The following GCLM variants were observed in gnomAD, a reference collection of about 807,000 sequenced individuals.
GCLM encodes the protein glutamate-cysteine ligase modifier subunit.
GCLM carries 15 observed loss-of-function variants against 36.0 expected under a neutral mutation model. The ratio of observed to expected loss-of-function variants is 0.42; its 90% CI spans 0.28 to 0.64. GCLM has a LOEUF of 0.64. GCLM is among the 30% of genes least tolerant of loss of function. The probability of loss-of-function intolerance (pLI) is 0.25; values close to 1 mark genes in which losing one functional copy is unlikely to be tolerated. For synonymous variants in GCLM, 129 were observed against 122.8 expected (o/e 1.05, Z -0.34); for missense variants, 242 against 325.5 (o/e 0.74, Z 1.97).
At chr1:93,894,778 C>A (rs1384340007) in intron 5 of GCLM, 50 bp from the exon 6 acceptor site, 9 of 841,156 alleles carry the variant, frequency 1.1e-5, no homozygotes, top group South Asian at 2.8e-5. Flanking sequence ...AAATATAATA[C>A]CAAAAGTAGA....
In GCLM at chr1:93,909,154, C is replaced by G; in HGVS notation, c.10G>C (p.Asp4His). 7.3e-7 allele frequency: 1 copy of G among 1,364,168 alleles called. No individual in the cohort carries two copies. The allele number at this position is 1,364,168 out of a possible 1,614,324, so 84.5% of individuals were successfully genotyped here. Residue 4 changes from aspartate (D) to histidine (H), a missense_variant, in exon 1 of 7, where the codon GAC (aspartate) becomes CAC (histidine). By Grantham distance (81) the Asp-to-His change is moderately conservative. Coordinates refer to ENST00000370238, the MANE Select transcript of GCLM (RefSeq NM_002061.4). MGT[D>H]SRAAKALLAR... ...AGGAGCGCCTTGGCCGCGCGGCTGT[C>G]GGTGCCCATGGCAGCGGCCGCCCAG...
At position 93,909,211 on chromosome 1, in the gene GCLM, G is replaced by GGGCA. The variant is rs1657270794; in HGVS notation, c.-52_-49dup. 1.1e-5 allele frequency: 13 copies of GGGCA among 1,151,856 alleles called. No homozygotes were observed. The highest frequency in any genetic ancestry group is 1.4e-5 in the Non-Finnish European group (13 of 939,136). The allele number at this position is 1,151,856 out of a possible 1,614,324, so 71.4% of individuals were successfully genotyped here. A position where few individuals can be genotyped will look rare whatever the true frequency, so the allele number is the denominator to read the frequency against. On this transcript the variant is annotated 5_prime_UTR_variant, in exon 1 of 7. Transcript: ENST00000370238. Reference sequence around the variant, plus strand: ...CGCAGCGAAGGGGCTGCGGGCGGGCGGGCAGGCAGGCGGCCGCCCCACAGG... The same window carrying GGGCA: ...CGCAGCGAAGGGGCTGCGGGCGGGCGGGCAGGCAGGCAGGCGGCCGCCCCACAGG...
chr1:93,902,399 C>T (rs1017579836), intron 2 of GCLM, among the ~76,000 whole-genome samples: 15 of 151,364 alleles, frequency 9.9e-5, no homozygotes, highest in African/African-American at 3.6e-4. Context: ...AGGATGGTCT[C>T]GATCTCCTGA....
At chr1:93,905,427 C>G (rs1557733306) in intron 1 of GCLM, among the ~76,000 whole-genome samples, 1 of 152,118 alleles carries the variant, frequency 6.6e-6, no homozygotes, top group Non-Finnish European at 1.5e-5. Flanking sequence ...TCTCCAAGAG[C>G]AGTTTGGACT....
intron 5 of GCLM, 150 bp downstream of exon 5, chr1:93,896,467 CA>C (rs1282055509): frequency 1.5e-6 from 1 of 658,732 alleles, no homozygotes; most frequent in East Asian, 2.5e-5. Context: ...AAACCTGCCT[CA>C]AAACTCCTGC....
rs1180161602 is a variant in GCLM at position 93,885,416 on chromosome 1, G to A, written c.*3574C>T. 1 of 151,916 alleles carries A rather than the reference G, an allele frequency of 6.6e-6. No homozygotes were observed. The highest frequency in any genetic ancestry group is 6.6e-5 in the Admixed American group (1 of 15,254). 9.4% of individuals were successfully genotyped at this position (151,916 alleles called of 1,614,324 possible). ...TAATGCTTTATAATTTGCTATTATA[G>A]TACACCACTACAGACACATAAAAAG... On this transcript the variant is annotated 3_prime_UTR_variant, in exon 7 of 7. Coordinates refer to ENST00000370238, the MANE Select transcript of GCLM (RefSeq NM_002061.4).
In GCLM at chr1:93,886,420, A is replaced by AT. The variant is rs1395409257; in HGVS notation, c.*2569dup. On this transcript the variant is annotated 3_prime_UTR_variant, in exon 7 of 7. Transcript: ENST00000370238. Reference sequence around the variant, plus strand: ...CTTAAATATTTGAAAAGTGTTCACTATATTCTGATAGTTCATGAAAAAAAG... The same window carrying AT: ...CTTAAATATTTGAAAAGTGTTCACTATTATTCTGATAGTTCATGAAAAAAAG... 1 of 152,184 alleles carries AT rather than the reference A, an allele frequency of 6.6e-6. No individual in the cohort carries two copies. The highest frequency in any genetic ancestry group is 1.5e-5 in the Non-Finnish European group (1 of 68,010). The allele number at this position is 152,184 out of a possible 1,614,324, so 9.4% of individuals were successfully genotyped here.
chr1:93,906,478 A>G (rs933576694), intron 1 of GCLM, among the ~76,000 whole-genome samples: 2 of 152,178 alleles, frequency 1.3e-5, no homozygotes, highest in African/African-American at 4.8e-5. Flanking sequence ...GGCTTTCCTG[A>G]TGAATTCCTC....
At chr1:93,902,578 A>G in intron 2 of GCLM, among the ~76,000 whole-genome samples, 1 of 151,686 alleles carries the variant, frequency 6.6e-6, no homozygotes, top group African/African-American at 2.4e-5. Context: ...TTCACTCCCT[A>G]CACTCACATC....
intron 1 of GCLM, among the ~76,000 whole-genome samples, chr1:93,905,028 T>C (rs1191111170): frequency 6.6e-6 from 1 of 151,702 alleles, no homozygotes; most frequent in Non-Finnish European, 1.5e-5. Flanking sequence ...ACAAAAATCA[T>C]GTGGGCCTAG....
chr1:93,908,715 C>T, intron 1 of GCLM: 1 of 197,756 alleles, frequency 5.1e-6, no homozygotes, highest in Non-Finnish European at 1.0e-5. Context: ...GACGGAGCGA[C>T]GTCCTGGCCC....
rs527845143 is a variant in GCLM, at chr1:93,897,724, T to C, written c.337+115A>G. On this transcript the variant is annotated intron_variant, in intron 4 of 6. Transcript: ENST00000370238. ...GAAACTAAGCTAGAACTTTAAAAGG[T>C]AAAATTGGAATCAACTCATTTTCTT... 3.9e-5 allele frequency: 23 copies of C among 595,138 alleles called. 1 individual carries two copies. In the South Asian group the frequency reaches 5.1e-4, roughly 13 times the overall value. 36.9% of individuals were successfully genotyped at this position (595,138 alleles called of 1,614,324 possible).
chr1:93,898,009 A>G, intron 3 of GCLM, 111 bp from the exon 4 acceptor site: 1 of 477,214 alleles, frequency 2.1e-6, no homozygotes, highest in Non-Finnish European at 3.6e-6. Context: ...TGAATGAATT[A>G]TTTTTCCTTT....
At chr1:93,901,882 T>C (rs1656964260) in intron 2 of GCLM, among the ~76,000 whole-genome samples, 1 of 151,814 alleles carries the variant, frequency 6.6e-6, no homozygotes, top group African/African-American at 2.4e-5. Context: ...TGTGTATCTA[T>C]TTTCTAGGAA....
At chr1:93,889,922 T>A (rs12040570) in intron 6 of GCLM, among the ~76,000 whole-genome samples, 46,600 of 149,558 alleles carry the variant, frequency 0.31, 8,198 homozygotes, top group East Asian at 0.55. Flanking sequence ...ATATATATAT[T>A]TTTTTTTGAG....
At position 93,888,687 on chromosome 1, in the gene GCLM, C is replaced by T. The variant is rs933262186; in HGVS notation, c.*303G>A. The T allele has an allele frequency of 3.8e-5, 7 of 185,196 alleles. No individual in the cohort carries two copies. Among genetic ancestry groups the T allele is most frequent in the Non-Finnish European group, 7.7e-5 (7 of 90,494 alleles). 11.5% of individuals were successfully genotyped at this position (185,196 alleles called of 1,614,324 possible). A position where few individuals can be genotyped will look rare whatever the true frequency, so the allele number is the denominator to read the frequency against. ...GATACCTAGGCCAAAATATATCTAA[C>T]AACAAATTTTCTTGATTTATATTAG... On this transcript the variant is annotated 3_prime_UTR_variant, in exon 7 of 7. Transcript: ENST00000370238.
chr1:93,900,786 CAAT>C (rs1213354281), intron 3 of GCLM, among the ~76,000 whole-genome samples: 2 of 152,120 alleles, frequency 1.3e-5, no homozygotes, highest in South Asian at 2.1e-4. Flanking sequence ...GCAACAACCA[CAAT>C]AATAACAACA....
rs150263649 is a variant in GCLM, at chr1:93,893,381, C to T, written c.655+1233G>A. ...ATTAAAACTCTTTCTCCTCCATCTC[C>T]CCCTCCTCTGATGAAACAGTGAAGA... On this transcript the variant is annotated intron_variant, in intron 6 of 6. Coordinates refer to ENST00000370238, the MANE Select transcript of GCLM (RefSeq NM_002061.4). 2.5e-3 allele frequency among the ~76,000 whole-genome samples: 387 copies of T among 152,270 alleles called. 1 individual carries two copies. The highest frequency in any genetic ancestry group is 8.8e-3 in the African/African-American group (364 of 41,554).
At chr1:93,909,002 C>G (rs924030349) in intron 1 of GCLM, 36 bp downstream of exon 1, 97 of 1,419,546 alleles carry the variant, frequency 6.8e-5, no homozygotes, top group Non-Finnish European at 8.5e-5. Context: ...CCGAGGCCTG[C>G]CCCGGGAGCC....
Sources: allele counts gnomAD v4.1 joint callset (sites outside exome capture counted in the v4.1 genomes callset), GRCh38; gene constraint gnomAD v4.1.1; transcripts MANE v1.5; gene names NCBI Gene and HGNC (gene_info 2026-07-23, HGNC 2026-07-21).